Variants in RBFOX1 observed in about 807,000 individuals in gnomAD.
The protein encoded by RBFOX1 is RNA binding protein fox-1 homolog 1.
In RBFOX1, 8 loss-of-function variants were observed where a neutral mutation model predicts 57.7. The ratio of observed to expected loss-of-function variants is 0.14; its 90% CI spans 0.08 to 0.25. The LOEUF is 0.25. Among genes scored for constraint, RBFOX1 ranks in the 10% least tolerant of loss-of-function variants. The probability of loss-of-function intolerance (pLI) is 1.00; values close to 1 mark genes in which losing one functional copy is unlikely to be tolerated. For missense variants in RBFOX1, 611 were observed against 548.5 expected (o/e 1.11, Z -1.14); for synonymous variants, 326 against 222.4 (o/e 1.47, Z -4.15).
At chr16:7,097,216 C>T (rs541079394) in intron 4 of RBFOX1, among the ~76,000 whole-genome samples, 64 of 152,150 alleles carry the variant, frequency 4.2e-4, no homozygotes, top group African/African-American at 1.1e-3. Flanking sequence ...TAGGAAACTG[C>T]TATGAGGTAG....
intron 3 of RBFOX1, among the ~76,000 whole-genome samples, chr16:6,701,908 C>T (rs915248700): frequency 8.5e-5 from 13 of 152,148 alleles, no homozygotes; most frequent in Non-Finnish European, 1.6e-4. Context: ...TGAGTACACA[C>T]GGACACAAAG....
At chr16:6,801,084 C>T (rs144031008) in intron 3 of RBFOX1, among the ~76,000 whole-genome samples, 68 of 151,408 alleles carry the variant, frequency 4.5e-4, no homozygotes, top group African/African-American at 1.4e-3. Flanking sequence ...GTTAAAAGTG[C>T]GGATTGCCAT....
At chr16:6,569,101 G>A (rs1001705792) in intron 2 of RBFOX1, among the ~76,000 whole-genome samples, 1 of 152,184 alleles carries the variant, frequency 6.6e-6, no homozygotes, top group African/African-American at 2.4e-5. Flanking sequence ...GGTGTCAGCA[G>A]CCCAGCTTTG....
intron 2 of RBFOX1, among the ~76,000 whole-genome samples, chr16:6,476,955 C>G (rs147240930): frequency 6.6e-6 from 1 of 152,162 alleles, no homozygotes; most frequent in African/African-American, 2.4e-5. Context: ...TCTCAAGGAA[C>G]CACTTTTTCT....
At chr16:5,407,867 C>G (rs1427859341) in intron 1 of RBFOX1, among the ~76,000 whole-genome samples, 2 of 152,224 alleles carry the variant, frequency 1.3e-5, no homozygotes, top group Non-Finnish European at 2.9e-5. Context: ...TGGGCTTTAA[C>G]CCAAGTCCCG....
chr16:5,931,033 G>A (rs1199863259), intron 4 of RBFOX1, among the ~76,000 whole-genome samples: 2 of 152,002 alleles, frequency 1.3e-5, no homozygotes, highest in Admixed American at 1.3e-4. Flanking sequence ...TAGATGAGAA[G>A]TAAACTTATT....
chr16:5,748,515 C>G (rs1340918958), intron 3 of RBFOX1, among the ~76,000 whole-genome samples: 2 of 152,104 alleles, frequency 1.3e-5, no homozygotes. Context: ...GTCTAAGTCT[C>G]TTTGTAGGTC....
At position 7,710,673 on chromosome 16, in the gene RBFOX1, T is replaced by C; in HGVS notation, c.1122T>C (p.Asp374=). 4 of 1,613,720 alleles carry C rather than the reference T, an allele frequency of 2.5e-6. No individual in the cohort carries two copies. The highest frequency in any genetic ancestry group is 2.5e-6 in the Non-Finnish European group (3 of 1,179,786). Residue 374 remains aspartate (D), a synonymous_variant, in exon 16 of 16, where the codon GAT becomes GAC. Transcript: ENST00000550418. ...TDAKTRSHAD[D]VGLVLSSLQA... ...CCAAGACTAGGAGCCATGCTGATGA[T>C]GTGGGTCTCGTTCTTTCTTCATTGC...
chr16:7,381,325 A>G (rs769057031), intron 4 of RBFOX1, among the ~76,000 whole-genome samples: 4 of 152,206 alleles, frequency 2.6e-5, no homozygotes, highest in Non-Finnish European at 5.9e-5. Flanking sequence ...AGTAATGCAT[A>G]TAACTTGTGG....
chr16:5,541,580 A>G (rs185408641), intron 2 of RBFOX1, among the ~76,000 whole-genome samples: 42 of 152,222 alleles, frequency 2.8e-4, no homozygotes, highest in Non-Finnish European at 5.6e-4. Context: ...AAAGGAGGTA[A>G]TCAGATATGC....
intron 4 of RBFOX1, among the ~76,000 whole-genome samples, chr16:7,470,581 TGGATGGATGGGC>T (rs981846476): frequency 7.9e-5 from 12 of 151,836 alleles, no homozygotes; most frequent in African/African-American, 1.9e-4. Flanking sequence ...GATGGATGGA[TGGATGGATGGGC>T]GGATGGATGG....
chr16:5,454,098 G>A (rs945401652), intron 1 of RBFOX1, among the ~76,000 whole-genome samples: 3 of 152,230 alleles, frequency 2.0e-5, no homozygotes, highest in African/African-American at 7.2e-5. Flanking sequence ...GCCTGTATGA[G>A]GAGTTTGGGT....
intron 1 of RBFOX1, among the ~76,000 whole-genome samples, chr16:6,300,141 C>G (rs1282445170): frequency 3.3e-5 from 5 of 152,124 alleles, no homozygotes; most frequent in Admixed American, 2.6e-4. Context: ...CTAAAAAAGT[C>G]AAACTCATAG....
chr16:5,274,663 G>C (rs2063098187), intron 1 of RBFOX1, among the ~76,000 whole-genome samples: 1 of 152,222 alleles, frequency 6.6e-6, no homozygotes, highest in African/African-American at 2.4e-5. Flanking sequence ...AATGCTGACT[G>C]TATTTCTGCC....
At chr16:6,435,572 G>T (rs2094210927) in intron 2 of RBFOX1, among the ~76,000 whole-genome samples, 1 of 152,104 alleles carries the variant, frequency 6.6e-6, no homozygotes, top group African/African-American at 2.4e-5. Flanking sequence ...TGAAAGTTCT[G>T]GGATTACAGG....
At position 5,827,402 on chromosome 16, in the gene RBFOX1, G is replaced by GAAAAAAAAAAA. The variant is rs374545272; in HGVS notation, c.319-39901_319-39900insAAAAAAAAAAA. On this transcript the variant is annotated intron_variant, in intron 3 of 19. Transcript: ENST00000641259. ...ATGACAGAGCAAGACTCCATCTCAG[G>GAAAAAAAAAAA]GAAAAAAAAAAAAAAAAAAGAAAAG... is the stretch of plus-strand genomic sequence containing the variant. 4.0e-5 allele frequency among the ~76,000 whole-genome samples: 4 copies of GAAAAAAAAAAA among 100,464 alleles called. 1 individual carries two copies. The highest frequency in any genetic ancestry group is 4.0e-5 in the Non-Finnish European group (2 of 49,500). The allele number at this position is 100,464 out of a possible 152,430, so 65.9% of individuals were successfully genotyped here.
chr16:5,316,167 C>T (rs1427119768), intron 1 of RBFOX1, among the ~76,000 whole-genome samples: 1 of 152,236 alleles, frequency 6.6e-6, no homozygotes, highest in African/African-American at 2.4e-5. Flanking sequence ...TCCTCCTTTA[C>T]CTAGTTAACT....
intron 1 of RBFOX1, among the ~76,000 whole-genome samples, chr16:6,185,972 C>T (rs1450484013): frequency 1.3e-5 from 2 of 152,174 alleles, no homozygotes; most frequent in Non-Finnish European, 2.9e-5. Context: ...ACCTAAATAG[C>T]TATGACTTAA....
intron 1 of RBFOX1, among the ~76,000 whole-genome samples, chr16:5,445,492 A>G (rs2068214269): frequency 6.6e-6 from 1 of 152,256 alleles, no homozygotes; most frequent in South Asian, 2.1e-4. Context: ...GATAAACAAA[A>G]GAATTTAAAA....
Sources: gnomAD v4.1 joint callset for allele counts (sites outside exome capture counted in the v4.1 genomes callset) on GRCh38, gnomAD v4.1.1 for gene constraint, MANE v1.5 for transcripts, NCBI Gene and HGNC (gene_info 2026-07-23, HGNC 2026-07-21) for gene names.